Variants in ZPBP observed in about 807,000 individuals in gnomAD.
The protein encoded by ZPBP is zona pellucida-binding protein 1.
ZPBP carries 26 observed loss-of-function variants against 44.8 expected under a neutral mutation model. That is an observed-to-expected ratio of 0.58 (90% CI 0.43 to 0.81). The LOEUF (loss-of-function observed/expected upper bound fraction) is 0.81. Among genes scored for constraint, ZPBP ranks in the 30% least tolerant of loss-of-function variants. The probability of loss-of-function intolerance (pLI) is 0.00; values close to 1 mark genes in which losing one functional copy is unlikely to be tolerated. For missense variants in ZPBP, 409 were observed against 434.0 expected (o/e 0.94, Z 0.51); for synonymous variants, 174 against 153.2 (o/e 1.14, Z -1.00).
intron 6 of ZPBP, among the ~76,000 whole-genome samples, chr7:50,010,203 T>G (rs1053959346): frequency 6.6e-6 from 1 of 152,050 alleles, no homozygotes; most frequent in Admixed American, 6.6e-5. Context: ...TACAGTGGGA[T>G]GAATAACGCT....
rs1269892545 is a variant in ZPBP at position 50,010,928 on chromosome 7, AC to A, written c.783+7311del. On this transcript the variant is annotated intron_variant, in intron 6 of 7. Transcript: ENST00000046087. ...CCAAGCAAAAAAAAAAAAAAAAAAA[AC>A]AAATCTGGAGTCATCACATTACCCG... is the stretch of plus-strand genomic sequence containing the variant. 7.5e-5 allele frequency among the ~76,000 whole-genome samples: 11 copies of A among 147,396 alleles called. No homozygotes were observed. In the East Asian group the frequency reaches 1.4e-3, roughly 19 times the overall value.
At chr7:49,921,930 ATAAAG>A (rs1794037257) in intron 1 of ZPBP, 1 of 152,208 alleles carries the variant, frequency 6.6e-6, no homozygotes, top group Non-Finnish European at 1.5e-5. Flanking sequence ...GATTTATAAA[ATAAAG>A]TATTTATTAA....
At chr7:50,014,465 CTTT>C (rs11378550) in intron 6 of ZPBP, among the ~76,000 whole-genome samples, 4 of 132,376 alleles carry the variant, frequency 3.0e-5, no homozygotes, top group Admixed American at 7.9e-5. Flanking sequence ...CTTTCTTTTT[CTTT>C]TTTTTTTTTT....
At chr7:49,841,753 A>G in the ZPBP span, among the ~76,000 whole-genome samples, 10 of 152,308 alleles carry the variant, frequency 6.6e-5, no homozygotes, top group South Asian at 8.3e-4. Context: ...AATGTGTAAT[A>G]ATTTTTGCAG....
intron 4 of ZPBP, among the ~76,000 whole-genome samples, chr7:50,054,407 G>A (rs954402358): frequency 6.6e-6 from 1 of 152,004 alleles, no homozygotes; most frequent in Non-Finnish European, 1.5e-5. Context: ...TATGCGAAAG[G>A]AAGATGACAG....
chr7:49,949,819 A>G (rs1795260429), intron 7 of ZPBP, among the ~76,000 whole-genome samples: 1 of 152,006 alleles, frequency 6.6e-6, no homozygotes, highest in African/African-American at 2.4e-5. Context: ...TACCATAATA[A>G]AAAGTGATAT....
At chr7:49,978,172 A>T (rs1048849279) in intron 7 of ZPBP, among the ~76,000 whole-genome samples, 1 of 151,612 alleles carries the variant, frequency 6.6e-6, no homozygotes, top group African/African-American at 2.4e-5. Flanking sequence ...TGAAAAGTAA[A>T]GCATTTCAGA....
chr7:49,990,448 G>T (rs1026333642), intron 6 of ZPBP, among the ~76,000 whole-genome samples: 4 of 152,100 alleles, frequency 2.6e-5, no homozygotes, highest in Admixed American at 2.6e-4. Context: ...ATATACCCTG[G>T]ATATTCACTA....
chr7:49,870,792 A>G (rs1237992555), intron 2 of ZPBP, among the ~76,000 whole-genome samples: 1 of 152,246 alleles, frequency 6.6e-6, no homozygotes, highest in Admixed American at 6.5e-5. Flanking sequence ...AGAGTCATCC[A>G]CAAAAAAGGA....
intron 2 of ZPBP, among the ~76,000 whole-genome samples, chr7:49,852,800 G>A (rs980167279): frequency 2.6e-5 from 4 of 152,164 alleles, no homozygotes; most frequent in African/African-American, 9.7e-5. Context: ...TCCCAGATGT[G>A]AGGAACATTT....
intron 5 of ZPBP, among the ~76,000 whole-genome samples, chr7:50,019,080 T>C (rs1420034354): frequency 2.0e-5 from 3 of 152,078 alleles, no homozygotes; most frequent in African/African-American, 2.4e-5. Context: ...AGGTATAATG[T>C]AAAATAACAT....
intron 7 of ZPBP, among the ~76,000 whole-genome samples, chr7:49,956,717 A>T (rs2128761809): frequency 6.6e-6 from 1 of 152,258 alleles, no homozygotes; most frequent in East Asian, 1.9e-4. Context: ...AATTCCACAA[A>T]TCCTATATTG....
chr7:50,048,052 A>G (rs532420614), intron 4 of ZPBP, among the ~76,000 whole-genome samples: 2 of 152,316 alleles, frequency 1.3e-5, no homozygotes, highest in South Asian at 2.1e-4. Context: ...AGTTAGGCAT[A>G]CTGAGTGTAG....
intron 1 of ZPBP, among the ~76,000 whole-genome samples, chr7:49,929,867 C>T (rs1794387835): frequency 6.6e-6 from 1 of 152,100 alleles, no homozygotes; most frequent in Non-Finnish European, 1.5e-5. Flanking sequence ...TCAACGCACA[C>T]AAGTTAAAGA....
At chr7:49,943,078 C>G (rs1317375979) in intron 7 of ZPBP, 1 of 342,694 alleles carries the variant, frequency 2.9e-6, no homozygotes, top group Non-Finnish European at 5.7e-6. Flanking sequence ...GAATCCAGCC[C>G]TCTCAGCCAG....
intron 7 of ZPBP, among the ~76,000 whole-genome samples, chr7:49,977,020 T>C (rs936336896): frequency 2.0e-5 from 3 of 151,592 alleles, no homozygotes; most frequent in Non-Finnish European, 4.4e-5. Context: ...GAGAAGGGCG[T>C]GAACCCAGGA....
chr7:49,874,776 A>G (rs1444964982), intron 2 of ZPBP, among the ~76,000 whole-genome samples: 1 of 152,170 alleles, frequency 6.6e-6, no homozygotes, highest in Non-Finnish European at 1.5e-5. Flanking sequence ...GTGATGAGAG[A>G]CCAGGAGCCT....
intron 2 of ZPBP, among the ~76,000 whole-genome samples, chr7:49,869,780 G>C (rs1791059987): frequency 6.6e-6 from 1 of 152,046 alleles, no homozygotes; most frequent in Non-Finnish European, 1.5e-5. Context: ...AATTGGATGT[G>C]CACGGCCACA....
At chr7:49,888,761 A>C (rs1245401010) in intron 2 of ZPBP, among the ~76,000 whole-genome samples, 3 of 152,074 alleles carry the variant, frequency 2.0e-5, no homozygotes, top group African/African-American at 7.2e-5. Context: ...AAATACAAAA[A>C]TTAGCCAGGC....
Sources: allele counts gnomAD v4.1 joint callset (sites outside exome capture counted in the v4.1 genomes callset), GRCh38; gene constraint gnomAD v4.1.1; transcripts MANE v1.5; gene names NCBI Gene and HGNC (gene_info 2026-07-23, HGNC 2026-07-21).